The following TBC1D1 variants were observed in gnomAD, a reference collection of about 807,000 sequenced individuals.
TBC1D1 encodes the protein TBC1 domain family member 1, also known as TBC1 (tre-2/USP6, BUB2, cdc16) domain family, member 1.
A neutral mutation model predicts 125.6 loss-of-function variants in TBC1D1; 89 were observed. The observed-to-expected ratio is 0.71, with a 90% CI of 0.60 to 0.85. The LOEUF (loss-of-function observed/expected upper bound fraction) is 0.85. Among genes scored for constraint, TBC1D1 ranks in the 40% least tolerant of loss-of-function variants. The pLI is 0.00. For synonymous variants in TBC1D1, 565 were observed against 564.1 expected (o/e 1.00, Z -0.02); for missense variants, 1,377 against 1,469.2 (o/e 0.94, Z 1.03).
At chr4:38,123,421 T>C (rs1220129918) in intron 17 of TBC1D1, among the ~76,000 whole-genome samples, 1 of 152,214 alleles carries the variant, frequency 6.6e-6, no homozygotes, top group East Asian at 1.9e-4. Context: ...GATCTTTTTA[T>C]TTTCTGTAGT....
intron 2 of TBC1D1, among the ~76,000 whole-genome samples, chr4:37,942,038 G>A (rs1725681699): frequency 6.6e-6 from 1 of 152,122 alleles, no homozygotes; most frequent in East Asian, 1.9e-4. Flanking sequence ...TGTCTATTAG[G>A]TCCGCTTGGT....
At chr4:38,136,773 A>G (rs904424332) in intron 19 of TBC1D1, among the ~76,000 whole-genome samples, 1 of 152,136 alleles carries the variant, frequency 6.6e-6, no homozygotes, top group Non-Finnish European at 1.5e-5. Flanking sequence ...ACTGACGCCC[A>G]CTTCAGCTTT....
intron 9 of TBC1D1, 134 bp from the exon 10 acceptor site, chr4:38,045,683 C>G (rs561617897): frequency 3.2e-6 from 2 of 632,952 alleles, no homozygotes; most frequent in Non-Finnish European, 5.7e-6. Context: ...TTTTAATGTA[C>G]AAATATCCTT....
At chr4:37,921,475 C>T (rs759682691) in intron 2 of TBC1D1, among the ~76,000 whole-genome samples, 12 of 151,264 alleles carry the variant, frequency 7.9e-5, no homozygotes, top group Non-Finnish European at 1.0e-4. Context: ...GGCGTGATCT[C>T]GGCTCACTGC....
At chr4:38,040,021 G>A (rs1222958531) in intron 8 of TBC1D1, among the ~76,000 whole-genome samples, 1 of 151,784 alleles carries the variant, frequency 6.6e-6, no homozygotes, top group Non-Finnish European at 1.5e-5. Context: ...CTAGATACTT[G>A]TTTTAAGATA....
At chr4:38,010,584 C>A (rs894222653) in intron 2 of TBC1D1, among the ~76,000 whole-genome samples, 1 of 152,232 alleles carries the variant, frequency 6.6e-6, no homozygotes, top group Non-Finnish European at 1.5e-5. Flanking sequence ...CCCAAACCTT[C>A]TCCACTCTGC....
chr4:38,002,653 G>A (rs1364541027), intron 2 of TBC1D1, among the ~76,000 whole-genome samples: 1 of 152,212 alleles, frequency 6.6e-6, no homozygotes, highest in African/African-American at 2.4e-5. Flanking sequence ...TACATAAGTA[G>A]CACAATAGAC....
intron 1 of TBC1D1, among the ~76,000 whole-genome samples, chr4:37,895,035 G>C (rs1230960223): frequency 6.6e-6 from 1 of 152,204 alleles, no homozygotes; most frequent in Admixed American, 6.6e-5. Context: ...AGTGGTAGGT[G>C]GTCAACAGAT....
At chr4:38,043,094 G>T (rs958165512) in intron 8 of TBC1D1, among the ~76,000 whole-genome samples, 54 of 151,860 alleles carry the variant, frequency 3.6e-4, no homozygotes, top group African/African-American at 1.3e-3. Flanking sequence ...TAGAGACAGG[G>T]TTTCCCCGTG....
At chr4:38,106,386 C>T (rs1008126364) in intron 15 of TBC1D1, among the ~76,000 whole-genome samples, 4 of 152,282 alleles carry the variant, frequency 2.6e-5, no homozygotes, top group South Asian at 2.1e-4. Context: ...GCAGGAGGCC[C>T]GTGTTGCTGT....
chr4:38,004,509 A>G (rs763834897), intron 2 of TBC1D1, among the ~76,000 whole-genome samples: 1 of 152,210 alleles, frequency 6.6e-6, no homozygotes, highest in Non-Finnish European at 1.5e-5. Context: ...TTTTTAAACA[A>G]AAAAGAAATC....
Position 37,944,891 on chromosome 4 carries a change from T to G in TBC1D1, c.417+42379T>G, listed in dbSNP as rs140906791. ...CAGTGAGATGAACCCGGTACCTCAT[T>G]TGGAAATGCAGAAATCACCCGTCTT... On this transcript the variant is annotated intron_variant, in intron 2 of 19. Transcript: ENST00000261439. Among the ~76,000 whole-genome samples, 395 of 152,208 alleles carry G rather than the reference T, an allele frequency of 2.6e-3. 10 individuals are homozygous for G. In the East Asian group the frequency reaches 0.068, roughly 26 times the overall value.
chr4:37,952,227 G>C, intron 2 of TBC1D1: 2 of 605,044 alleles, frequency 3.3e-6, no homozygotes, highest in Admixed American at 2.8e-5. Context: ...TGTGATCTTC[G>C]CTGAGTCTGT....
chr4:38,024,959 G>A (rs1209965625), intron 6 of TBC1D1, among the ~76,000 whole-genome samples: 1 of 152,158 alleles, frequency 6.6e-6, no homozygotes, highest in Non-Finnish European at 1.5e-5. Flanking sequence ...TTGATTAGCT[G>A]CACTCTGCTC....
chr4:37,983,542 G>C (rs1046152857), intron 2 of TBC1D1, among the ~76,000 whole-genome samples: 3 of 152,020 alleles, frequency 2.0e-5, no homozygotes, highest in Admixed American at 2.0e-4. Flanking sequence ...AGCAGTTGTA[G>C]GTTTACAGCA....
In TBC1D1 at chr4:38,137,274, G is replaced by C. The variant is rs138981524; in HGVS notation, c.3446G>C (p.Arg1149Pro). Residue 1149 changes from arginine to proline, a missense_variant, in exon 20 of 20, where the codon CGG (arginine) becomes CCG (proline). This residue lies in a region of TBC1D1 where 543 missense variants were observed against 613.5 expected (regional missense o/e 0.89). Coordinates refer to ENST00000261439, the MANE Select transcript of TBC1D1 (RefSeq NM_015173.4). Reference sequence around the variant, plus strand: ...CAGACGGTGGAGGAGCTGCGGCGGCGGAGCGCAGAGCCCAGCGACCGGGAG... The same window carrying C: ...CAGACGGTGGAGGAGCTGCGGCGGCCGAGCGCAGAGCCCAGCGACCGGGAG... The C allele has an allele frequency of 6.2e-7, 1 of 1,611,764 alleles. No homozygotes were observed. Among genetic ancestry groups the C allele is most frequent in the East Asian group, 2.2e-5 (1 of 44,848 alleles).
At chr4:37,997,000 A>G (rs1282956681) in intron 2 of TBC1D1, among the ~76,000 whole-genome samples, 1 of 152,270 alleles carries the variant, frequency 6.6e-6, no homozygotes. Context: ...CATAGCCTAT[A>G]CTATGAAATA....
At chr4:38,095,879 A>G in intron 13 of TBC1D1, 50 bp from the exon 16 acceptor site, 1 of 1,536,866 alleles carries the variant, frequency 6.5e-7, no homozygotes, top group Non-Finnish European at 8.8e-7. Context: ...TGTAATGGAA[A>G]TTCCATAGCT....
At chr4:37,992,308 T>C (rs1021176103) in intron 2 of TBC1D1, among the ~76,000 whole-genome samples, 2 of 151,814 alleles carry the variant, frequency 1.3e-5, no homozygotes, top group Non-Finnish European at 2.9e-5. Flanking sequence ...TGAGAGAATA[T>C]ACACCCAAAG....
Sources: allele counts gnomAD v4.1 joint callset (sites outside exome capture counted in the v4.1 genomes callset), GRCh38; gene constraint gnomAD v4.1.1; regional missense constraint gnomAD v4.1.1; transcripts MANE v1.5; gene names NCBI Gene and HGNC (gene_info 2026-07-23, HGNC 2026-07-21).